The following BICC1 variants were observed in gnomAD, a reference collection of about 807,000 sequenced individuals.
BICC1 encodes BicC family RNA binding protein 1, also known as protein bicaudal C homolog 1.
Under a neutral mutation model 111.0 loss-of-function variants are expected in BICC1, and 43 were observed. The observed-to-expected ratio is 0.39, with a 90% CI of 0.30 to 0.50. BICC1 has a LOEUF of 0.50. BICC1 is among the 20% of genes least tolerant of loss of function. The probability of loss-of-function intolerance (pLI) is 0.88; values close to 1 mark genes in which losing one functional copy is unlikely to be tolerated. For missense variants in BICC1, 1,091 were observed against 1,203.2 expected (o/e 0.91, Z 1.38); for synonymous variants, 467 against 434.4 (o/e 1.07, Z -0.93).
intron 1 of BICC1, among the ~76,000 whole-genome samples, chr10:58,549,616 ATTT>A (rs35864057): frequency 7.0e-6 from 1 of 142,992 alleles, no homozygotes; most frequent in African/African-American, 2.6e-5. Context: ...GTCTGTTCAG[ATTT>A]TTTTTTTTTG....
intron 1 of BICC1, among the ~76,000 whole-genome samples, chr10:58,534,002 C>T (rs1842756242): frequency 6.6e-6 from 1 of 151,744 alleles, no homozygotes; most frequent in Admixed American, 6.6e-5. Context: ...TAAAAAAGAA[C>T]AAGATCCAAC....
At chr10:58,769,404 G>GTGTGTGTGTGTGTATATA (rs1050060686) in intron 3 of BICC1, among the ~76,000 whole-genome samples, 5 of 109,746 alleles carry the variant, frequency 4.6e-5, no homozygotes, top group African/African-American at 1.6e-4. Flanking sequence ...GTGTGTGTGT[G>GTGTGTGTGTGTGTATATA]TATATATATA....
intron 2 of BICC1, among the ~76,000 whole-genome samples, chr10:58,641,115 T>G (rs1378638567): frequency 1.3e-5 from 2 of 152,176 alleles, no homozygotes; most frequent in Non-Finnish European, 2.9e-5. Context: ...GCAGGAAAAA[T>G]GAAGCATCTC....
intron 3 of BICC1, among the ~76,000 whole-genome samples, chr10:58,762,999 T>C (rs1032898616): frequency 2.6e-5 from 4 of 152,108 alleles, no homozygotes; most frequent in African/African-American, 9.7e-5. Context: ...CCAGCCCTAT[T>C]ATGTTTGTTG....
chr10:58,515,546 T>C (rs574488656), intron 1 of BICC1, among the ~76,000 whole-genome samples: 1 of 152,336 alleles, frequency 6.6e-6, no homozygotes, highest in South Asian at 2.1e-4. Flanking sequence ...TATGTTACTA[T>C]GGCTATGACA....
At chr10:58,702,274 C>A in intron 3 of BICC1, 131 bp downstream of exon 3, 1 of 584,646 alleles carries the variant, frequency 1.7e-6, no homozygotes. Context: ...AAGTAGCAGT[C>A]TTTCAGGAGG....
intron 1 of BICC1, among the ~76,000 whole-genome samples, chr10:58,596,819 T>G (rs1844829727): frequency 6.6e-6 from 1 of 151,462 alleles, no homozygotes; most frequent in African/African-American, 2.4e-5. Flanking sequence ...ACTAAGAGAG[T>G]AAAATACCTA....
At chr10:58,684,796 G>A (rs576859621) in intron 2 of BICC1, among the ~76,000 whole-genome samples, 6 of 151,976 alleles carry the variant, frequency 3.9e-5, no homozygotes, top group East Asian at 1.9e-4. Context: ...TGGTCTATCC[G>A]TTTTGTTGAT....
At chr10:58,561,983 T>C (rs576217450) in intron 1 of BICC1, among the ~76,000 whole-genome samples, 4 of 152,278 alleles carry the variant, frequency 2.6e-5, no homozygotes, top group South Asian at 4.1e-4. Context: ...GCTGATAAAT[T>C]TGCTGTTAGT....
chr10:58,794,134 A>G (rs1364783633), intron 9 of BICC1, among the ~76,000 whole-genome samples: 1 of 150,520 alleles, frequency 6.6e-6, no homozygotes, highest in African/African-American at 2.5e-5. Context: ...TTTCTAAGTT[A>G]CCCAAGAGTT....
intron 3 of BICC1, among the ~76,000 whole-genome samples, chr10:58,771,579 A>T (rs899006720): frequency 6.6e-6 from 1 of 152,106 alleles, no homozygotes; most frequent in African/African-American, 2.4e-5. Context: ...ATTTGTGTTA[A>T]CCTTAATGTG....
chr10:58,657,662 ATGTT>A (rs1838702236), intron 2 of BICC1, among the ~76,000 whole-genome samples: 1 of 152,158 alleles, frequency 6.6e-6, no homozygotes, highest in Admixed American at 6.5e-5. Flanking sequence ...GGTATATATA[ATGTT>A]AAAAGAGCTT....
chr10:58,549,126 A>G (rs1285355631), intron 1 of BICC1, among the ~76,000 whole-genome samples: 3 of 147,932 alleles, frequency 2.0e-5, no homozygotes, highest in East Asian at 2.0e-4. Context: ...GACTACAGGC[A>G]TGAGCCACCT....
intron 2 of BICC1, among the ~76,000 whole-genome samples, chr10:58,636,416 A>G (rs150615634): frequency 2.0e-5 from 3 of 152,338 alleles, no homozygotes; most frequent in Non-Finnish European, 2.9e-5. Context: ...AGGTAGTGCT[A>G]TCTTGTCCCA....
intron 1 of BICC1, among the ~76,000 whole-genome samples, chr10:58,560,654 T>G (rs1367233267): frequency 6.6e-6 from 1 of 151,444 alleles, no homozygotes; most frequent in African/African-American, 2.4e-5. Context: ...GTTGTTCATT[T>G]CAGGTCTTGC....
chr10:58,758,433 A>G (rs1842207170), intron 3 of BICC1, among the ~76,000 whole-genome samples: 2 of 152,240 alleles, frequency 1.3e-5, no homozygotes, highest in Admixed American at 6.5e-5. Context: ...AGGCTATTAA[A>G]TCACTGCCAT....
chr10:58,666,279 A>T (rs1279488800), intron 2 of BICC1, among the ~76,000 whole-genome samples: 3 of 152,204 alleles, frequency 2.0e-5, no homozygotes, highest in African/African-American at 4.8e-5. Flanking sequence ...CATTCAGCAG[A>T]CTGTGAGTGG....
chr10:58,609,262 C>G (rs1845333970), intron 1 of BICC1, among the ~76,000 whole-genome samples: 1 of 152,210 alleles, frequency 6.6e-6, no homozygotes, highest in African/African-American at 2.4e-5. Context: ...TACCAGTCAA[C>G]CTTTTCCTTC....
chr10:58,656,700 A>G (rs375667489), intron 2 of BICC1, among the ~76,000 whole-genome samples: 6 of 152,324 alleles, frequency 3.9e-5, no homozygotes, highest in East Asian at 3.9e-4. Context: ...AGTAAAAAAT[A>G]TCATCCTTTA....
Sources: allele counts gnomAD v4.1 joint callset (sites outside exome capture counted in the v4.1 genomes callset), GRCh38; gene constraint gnomAD v4.1.1; transcripts MANE v1.5; gene names NCBI Gene and HGNC (gene_info 2026-07-23, HGNC 2026-07-21).